The following AKAP7 variants were observed in gnomAD, a reference collection of about 807,000 sequenced individuals.
AKAP7 encodes A kinase (PRKA) anchor protein 7.
Under a neutral mutation model 39.5 loss-of-function variants are expected in AKAP7, and 39 were observed. The observed-to-expected ratio is 0.99, with a 90% CI of 0.76 to 1.29. The LOEUF (loss-of-function observed/expected upper bound fraction) is 1.29, where lower values mean the gene tolerates loss of function less well. Among genes scored for constraint, AKAP7 ranks in the 50% most tolerant of loss-of-function variants. The pLI is 0.00. For synonymous variants in AKAP7, 140 were observed against 139.1 expected, an observed-to-expected ratio of 1.01 and a Z score of -0.05; for missense variants, 414 against 407.7, an observed-to-expected ratio of 1.02 and a Z score of -0.13.
intron 7 of AKAP7, among the ~76,000 whole-genome samples, chr6:131,271,073 G>A (rs1407169674): frequency 6.6e-6 from 1 of 152,112 alleles, no homozygotes; most frequent in Non-Finnish European, 1.5e-5. Flanking sequence ...ACATTTTGAT[G>A]AAGTTCAATT....
intron 7 of AKAP7, among the ~76,000 whole-genome samples, chr6:131,239,334 C>G: frequency 6.6e-6 from 1 of 152,152 alleles, no homozygotes; most frequent in East Asian, 1.9e-4. Context: ...TCTGGCTGCC[C>G]TTAACATTTT....
At chr6:131,278,582 A>G (rs111558369) in intron 7 of AKAP7, among the ~76,000 whole-genome samples, 8,190 of 152,220 alleles carry the variant, frequency 0.054, 570 homozygotes, top group East Asian at 0.18. Flanking sequence ...TGGCTGGGGA[A>G]GCCTCAGGAA....
At chr6:131,188,029 T>A (rs1301012083) in intron 5 of AKAP7, among the ~76,000 whole-genome samples, 4 of 152,330 alleles carry the variant, frequency 2.6e-5, no homozygotes, top group Middle Eastern at 3.4e-3. Flanking sequence ...GAAGGCTCAG[T>A]CTGGTTCTCT....
chr6:131,240,139 GCTGCAGGT>G (rs1421697201), intron 7 of AKAP7, among the ~76,000 whole-genome samples: 1 of 152,206 alleles, frequency 6.6e-6, no homozygotes, highest in Non-Finnish European at 1.5e-5. Context: ...AGGATCCTCA[GCTGCAGGT>G]CTGTTGGAGT....
intron 6 of AKAP7, among the ~76,000 whole-genome samples, chr6:131,217,368 A>G (rs1266482813): frequency 1.3e-5 from 2 of 152,212 alleles, no homozygotes; most frequent in African/African-American, 2.4e-5. Context: ...ATCAATTCAG[A>G]TAAATTTTAT....
At chr6:131,233,259 G>T (rs1810778137) in intron 7 of AKAP7, among the ~76,000 whole-genome samples, 1 of 152,142 alleles carries the variant, frequency 6.6e-6, no homozygotes. Context: ...AGTAGAAAGA[G>T]ACGGAGAAAG....
intron 6 of AKAP7, among the ~76,000 whole-genome samples, chr6:131,219,315 A>C (rs1809496614): frequency 6.6e-6 from 1 of 151,240 alleles, no homozygotes; most frequent in African/African-American, 2.4e-5. Flanking sequence ...AAAATTATCC[A>C]TTTCTCCATT....
intron 5 of AKAP7, among the ~76,000 whole-genome samples, chr6:131,191,643 GA>G (rs1806411580): frequency 6.6e-6 from 1 of 152,170 alleles, no homozygotes; most frequent in African/African-American, 2.4e-5. Context: ...TCATCCTTGG[GA>G]TAGGTGTGTC....
intron 7 of AKAP7, among the ~76,000 whole-genome samples, chr6:131,256,652 C>T (rs957197312): frequency 4.0e-5 from 6 of 151,796 alleles, no homozygotes; most frequent in Non-Finnish European, 7.4e-5. Context: ...TCTGATATAC[C>T]GAAAGCTTTT....
chr6:131,202,321 T>C (rs564279795), intron 6 of AKAP7, among the ~76,000 whole-genome samples: 2 of 143,972 alleles, frequency 1.4e-5, no homozygotes, highest in East Asian at 4.0e-4. Context: ...ATATGTTTAT[T>C]GCGGCACTAT....
chr6:131,152,972 C>CA (rs1446856994), intron 2 of AKAP7, among the ~76,000 whole-genome samples: 3 of 149,700 alleles, frequency 2.0e-5, no homozygotes, highest in Admixed American at 6.7e-5. Flanking sequence ...ACTAAAAATA[C>CA]AAAAAAAATT....
At chr6:131,236,223 G>A (rs924913786) in intron 7 of AKAP7, among the ~76,000 whole-genome samples, 17 of 151,990 alleles carry the variant, frequency 1.1e-4, no homozygotes, top group Admixed American at 2.0e-4. Flanking sequence ...GTAGATATGC[G>A]GCATTATTTC....
intron 7 of AKAP7, among the ~76,000 whole-genome samples, chr6:131,237,588 G>A (rs1429871324): frequency 6.6e-6 from 1 of 152,090 alleles, no homozygotes; most frequent in Non-Finnish European, 1.5e-5. Flanking sequence ...TTCAGAGCCT[G>A]TTATTGGTCT....
the AKAP7 span, among the ~76,000 whole-genome samples, chr6:131,125,740 G>A: frequency 6.6e-6 from 1 of 152,206 alleles, no homozygotes; most frequent in African/African-American, 2.4e-5. Context: ...AGCAGGGAAG[G>A]CTAATGAAGC....
At chr6:131,197,792 C>T (rs1562205247) in intron 5 of AKAP7, among the ~76,000 whole-genome samples, 1 of 152,078 alleles carries the variant, frequency 6.6e-6, no homozygotes, top group Non-Finnish European at 1.5e-5. Context: ...GTGGGGGCTA[C>T]GAAGTCCGGT....
the AKAP7 span, among the ~76,000 whole-genome samples, chr6:131,129,089 C>T: frequency 4.6e-5 from 7 of 151,984 alleles, no homozygotes; most frequent in South Asian, 1.0e-3. Context: ...GAGTTCGGGA[C>T]CAGCCTAGCC....
Position 131,142,929 on chromosome 6 carries a change from A to C in AKAP7, c.20-2356A>C, listed in dbSNP as rs543018621. Among the ~76,000 whole-genome samples, 6 of 152,334 alleles carry C rather than the reference A, an allele frequency of 3.9e-5. No homozygotes were observed. The East Asian group carries it at 1.2e-3, about 29-fold the overall frequency. On this transcript the variant is annotated intron_variant, in intron 1 of 7. Transcript: ENST00000431975. ...GTTGAAGGAGAGCTTTGGAGCTTTA[A>C]GGTTTATTGTCTCCCCTGCTAGGTT...
At chr6:131,271,654 A>G (rs1814293605) in intron 7 of AKAP7, among the ~76,000 whole-genome samples, 1 of 152,006 alleles carries the variant, frequency 6.6e-6, no homozygotes, top group African/African-American at 2.4e-5. Flanking sequence ...TTTAACAAAT[A>G]CTATTCATTA....
intron 6 of AKAP7, among the ~76,000 whole-genome samples, chr6:131,206,735 A>G (rs894725907): frequency 2.0e-5 from 3 of 152,052 alleles, no homozygotes; most frequent in African/African-American, 4.8e-5. Context: ...ATTTACTTCT[A>G]TCTATCTAGC....
Sources: gnomAD v4.1 joint callset for allele counts (sites outside exome capture counted in the v4.1 genomes callset) on GRCh38, gnomAD v4.1.1 for gene constraint, MANE v1.5 for transcripts, NCBI Gene and HGNC (gene_info 2026-07-23, HGNC 2026-07-21) for gene names.